GRIN1: variants seen among roughly 807,000 people sequenced by gnomAD.
GRIN1 encodes glutamate ionotropic receptor NMDA type subunit 1, also known as glutamate receptor ionotropic, NMDA 1.
GRIN1 carries 38 observed loss-of-function variants against 103.0 expected under a neutral mutation model. The ratio of observed to expected loss-of-function variants is 0.37; its 90% CI spans 0.28 to 0.48. The LOEUF (loss-of-function observed/expected upper bound fraction) is 0.48, where lower values mean the gene tolerates loss of function less well. Ranked by LOEUF, GRIN1 falls within the 20% of genes least tolerant of loss-of-function variation. The pLI is 0.98. For missense variants in GRIN1, 577 were observed against 1,288.9 expected, an observed-to-expected ratio of 0.45 and a Z score of 8.46; for synonymous variants, 544 against 532.7, an observed-to-expected ratio of 1.02 and a Z score of -0.29.
chr9:137,156,666 C>T lies in GRIN1; in HGVS notation c.672-3C>T. On this transcript the variant is annotated splice_region_variant and splice_polypyrimidine_tract_variant and intron_variant, in intron 4 of 19. Coordinates refer to ENST00000371561, the MANE Select transcript of GRIN1 (RefSeq NM_007327.4). ...TGGCCCGTCATCCCCGTCTGCCCCACAGCGAGGACGATGCTGCCACTGTAT... is the reference window on the plus strand; with the variant it reads ...TGGCCCGTCATCCCCGTCTGCCCCATAGCGAGGACGATGCTGCCACTGTAT... 1 of 1,600,562 alleles carries T rather than the reference C, an allele frequency of 6.2e-7. No homozygotes were observed. Among genetic ancestry groups the T allele is most frequent in the Non-Finnish European group, 8.5e-7 (1 of 1,175,044 alleles).
At chr9:137,143,837 G>A (rs1187751168) in intron 2 of GRIN1, among the ~76,000 whole-genome samples, 3 of 152,244 alleles carry the variant, frequency 2.0e-5, no homozygotes, top group African/African-American at 7.2e-5. Flanking sequence ...AGAGTCCACA[G>A]GGACACTGAA....
chr9:137,165,363 C>G, intron 19 of GRIN1, 67 bp downstream of exon 19: 1 of 989,752 alleles, frequency 1.0e-6, no homozygotes, highest in Non-Finnish European at 1.6e-6. Context: ...TGTCTCCCGC[C>G]CCATCACCCC....
chr9:137,159,751 C>G (rs1387351646), intron 8 of GRIN1, among the ~76,000 whole-genome samples: 1 of 152,172 alleles, frequency 6.6e-6, no homozygotes. Flanking sequence ...TAAAGCAAAT[C>G]AACTTCTTCA....
intron 3 of GRIN1, chr9:137,148,048 A>C: frequency 1.4e-6 from 1 of 707,940 alleles, no homozygotes; most frequent in Non-Finnish European, 2.3e-6. Flanking sequence ...GCCCGTCTGC[A>C]GACGTGCCGA....
At chr9:137,154,749 G>T (rs570964803) in intron 4 of GRIN1, among the ~76,000 whole-genome samples, 3 of 152,328 alleles carry the variant, frequency 2.0e-5, no homozygotes, top group Admixed American at 1.3e-4. Flanking sequence ...ACTGCGCCTG[G>T]CCTCAAAATA....
chr9:137,156,106 C>T (rs1028668470), intron 4 of GRIN1, among the ~76,000 whole-genome samples: 3 of 152,222 alleles, frequency 2.0e-5, no homozygotes, highest in Admixed American at 1.3e-4. Flanking sequence ...TTGTGTGTCC[C>T]ATGTGCCTCC....
chr9:137,147,400 A>C (rs889170590), intron 3 of GRIN1, among the ~76,000 whole-genome samples: 1 of 152,128 alleles, frequency 6.6e-6, no homozygotes, highest in Non-Finnish European at 1.5e-5. Context: ...CAGCACAGAC[A>C]CACATGCACA....
Position 137,158,260 on chromosome 9 carries a change from AGAAGGAGCAGGGAGAAGGAGCAGGGG to A in GRIN1, c.969-101_969-76del, listed in dbSNP as rs1339163613. 12 of 1,136,116 alleles carry A rather than the reference AGAAGGAGCAGGGAGAAGGAGCAGGGG, an allele frequency of 1.1e-5. No individual in the cohort carries two copies. In the East Asian group the frequency reaches 1.7e-4, roughly 16 times the overall value. The allele number at this position is 1,136,116 out of a possible 1,614,324, so 70.4% of individuals were successfully genotyped here. A position where few individuals can be genotyped will look rare whatever the true frequency, so the allele number is the denominator to read the frequency against. On this transcript the variant is annotated intron_variant, in intron 6 of 19. Transcript: ENST00000371561. ...AAGCCCAAGCTGCTCAGCCGGCAGG[AGAAGGAGCAGGGAGAAGGAGCAGGGG>A]GAAGGAGCAGGGAGAAGCAGCAGGG...
chr9:137,139,238 T>C lies in GRIN1; in HGVS notation c.-249T>C, dbSNP rs1832033885. The stretch of plus-strand genomic sequence containing the variant: ...GCCGGGCCCTTTCCAAGCCGGGCGC[T>C]CGGAGCTGTGCCCGGCCCCGCTTCA... On this transcript the variant is annotated 5_prime_UTR_variant, in exon 1 of 20. Coordinates refer to ENST00000371561, the MANE Select transcript of GRIN1 (RefSeq NM_007327.4). This position sits in a 1 kb window ranked among gnomAD's most constrained non-coding sequence, Gnocchi z 7.7. The C allele has an allele frequency of 4.1e-5, 7 of 172,764 alleles. No homozygotes were observed. 10.7% of individuals were successfully genotyped at this position (172,764 alleles called of 1,614,324 possible).
At chr9:137,157,371 C>A (rs898270659) in intron 6 of GRIN1, among the ~76,000 whole-genome samples, 1 of 152,182 alleles carries the variant, frequency 6.6e-6, no homozygotes, top group Non-Finnish European at 1.5e-5. Flanking sequence ...ACCACCACAT[C>A]TAATGGCACA....
chr9:137,139,237 C>G lies in GRIN1; in HGVS notation c.-250C>G. Reference sequence around the variant, plus strand: ...CGCCGGGCCCTTTCCAAGCCGGGCGCTCGGAGCTGTGCCCGGCCCCGCTTC... The same window carrying G: ...CGCCGGGCCCTTTCCAAGCCGGGCGGTCGGAGCTGTGCCCGGCCCCGCTTC... On this transcript the variant is annotated 5_prime_UTR_variant, in exon 1 of 20. Transcript: ENST00000371561. This position sits in a 1 kb window ranked among gnomAD's most constrained non-coding sequence, Gnocchi z 7.7. 5.8e-6 allele frequency: 1 copy of G among 172,530 alleles called. No individual in the cohort carries two copies. The highest frequency in any genetic ancestry group is 1.2e-5 in the Non-Finnish European group (1 of 81,608). The allele number at this position is 172,530 out of a possible 1,614,324, so 10.7% of individuals were successfully genotyped here. A position where few individuals can be genotyped will look rare whatever the true frequency, so the allele number is the denominator to read the frequency against.
At chr9:137,144,098 T>C (rs1407762408) in intron 2 of GRIN1, among the ~76,000 whole-genome samples, 1 of 152,216 alleles carries the variant, frequency 6.6e-6, no homozygotes, top group Non-Finnish European at 1.5e-5. Flanking sequence ...TTCGAGGCGC[T>C]ATGTGTCATC....
intron 3 of GRIN1, among the ~76,000 whole-genome samples, chr9:137,147,823 C>G (rs1353088823): frequency 6.6e-6 from 1 of 152,234 alleles, no homozygotes; most frequent in Non-Finnish European, 1.5e-5. Flanking sequence ...TGGGGCCACA[C>G]AGCAGGTGCA....
chr9:137,162,326 C>A, intron 12 of GRIN1, 36 bp downstream of exon 12: 1 of 1,546,218 alleles, frequency 6.5e-7, no homozygotes, highest in South Asian at 1.2e-5. Flanking sequence ...CCTCCATCTG[C>A]GGGGCGCGGA....
intron 4 of GRIN1, among the ~76,000 whole-genome samples, chr9:137,153,104 A>C (rs1236459801): frequency 6.6e-6 from 1 of 151,492 alleles, no homozygotes; most frequent in African/African-American, 2.4e-5. Context: ...TGCACCATGC[A>C]TACACCACAC....
At chr9:137,160,102 C>T (rs894185823) in intron 8 of GRIN1, among the ~76,000 whole-genome samples, 3 of 152,348 alleles carry the variant, frequency 2.0e-5, no homozygotes, top group African/African-American at 4.8e-5. Context: ...GACAGGAGGG[C>T]GAGCCCAAGC....
chr9:137,144,487 C>G (rs563852041), intron 2 of GRIN1, among the ~76,000 whole-genome samples: 2 of 151,714 alleles, frequency 1.3e-5, no homozygotes, highest in East Asian at 1.9e-4. Context: ...ACCCCATCTC[C>G]ACTAAAAATA....
At chr9:137,150,467 C>A (rs903138452) in intron 4 of GRIN1, among the ~76,000 whole-genome samples, 1 of 149,826 alleles carries the variant, frequency 6.7e-6, no homozygotes, top group Non-Finnish European at 1.5e-5. Context: ...AGGGAAAGCC[C>A]CGCCCAGAAA....
intron 4 of GRIN1, among the ~76,000 whole-genome samples, chr9:137,156,418 T>C (rs28548538): frequency 3.6e-4 from 31 of 85,598 alleles, no homozygotes; most frequent in South Asian, 7.3e-4. Context: ...TCTAACCCCA[T>C]CCCTGCTCCC....
Sources: allele counts gnomAD v4.1 joint callset (sites outside exome capture counted in the v4.1 genomes callset), GRCh38; gene constraint gnomAD v4.1.1; non-coding constraint Gnocchi (gnomAD v3.1); transcripts MANE v1.5; gene names NCBI Gene and HGNC (gene_info 2026-07-23, HGNC 2026-07-21).